Variants in WDPCP observed in about 807,000 individuals in gnomAD.
WDPCP encodes WD repeat containing planar cell polarity effector, also known as WD repeat-containing and planar cell polarity effector protein fritz homolog.
In WDPCP, 71 loss-of-function variants were observed where a neutral mutation model predicts 93.1. The observed-to-expected ratio is 0.76, with a 90% confidence interval of 0.63 to 0.93. The LOEUF is 0.93. WDPCP is among the 40% of genes least tolerant of loss of function. The pLI is 0.00. For missense variants in WDPCP, 844 were observed against 887.4 expected (o/e 0.95, Z 0.62); for synonymous variants, 315 against 315.0 (o/e 1.00, Z 0.00).
intron 4 of WDPCP, among the ~76,000 whole-genome samples, chr2:63,486,210 C>T (rs772153810): frequency 4.0e-5 from 6 of 151,688 alleles, no homozygotes; most frequent in Non-Finnish European, 7.4e-5. Context: ...ATGGGTAAGA[C>T]ATGTTAACAA....
At chr2:63,543,444 G>A (rs1202212293) in intron 1 of WDPCP, among the ~76,000 whole-genome samples, 4 of 151,808 alleles carry the variant, frequency 2.6e-5, no homozygotes, top group African/African-American at 4.8e-5. Flanking sequence ...ACAAAATCAC[G>A]GGAAAACACA....
intron 14 of WDPCP, among the ~76,000 whole-genome samples, chr2:63,178,429 C>A (rs1277484598): frequency 6.6e-6 from 1 of 152,134 alleles, no homozygotes; most frequent in African/African-American, 2.4e-5. Context: ...ATTATCCAAT[C>A]TTGGTTAGTT....
At chr2:63,835,501 T>G in the WDPCP span, among the ~76,000 whole-genome samples, 1 of 151,982 alleles carries the variant, frequency 6.6e-6, no homozygotes, top group African/African-American at 2.4e-5. Context: ...CTTTCTGTTT[T>G]GATGGAGAGG....
chr2:63,817,349 C>T (rs1670952284), intron 1 of WDPCP, among the ~76,000 whole-genome samples: 1 of 152,140 alleles, frequency 6.6e-6, no homozygotes, highest in Non-Finnish European at 1.5e-5. Flanking sequence ...ACCTCATGAT[C>T]CACCTGTCTT....
chr2:63,124,802 G>A (rs1276753320), intron 17 of WDPCP, among the ~76,000 whole-genome samples: 1 of 151,934 alleles, frequency 6.6e-6, no homozygotes, highest in Non-Finnish European at 1.5e-5. Flanking sequence ...TATGGGTTAA[G>A]TGTTTTGTCC....
intron 2 of WDPCP, among the ~76,000 whole-genome samples, chr2:63,732,401 A>G (rs998043): frequency 0.78 from 118,167 of 152,178 alleles, 47,152 homozygotes; most frequent in African/African-American, 0.89. Context: ...ATGCTACAAA[A>G]AAAGGTGATT....
chr2:63,594,462 A>T, intron 3 of WDPCP: 1 of 1,502,384 alleles, frequency 6.7e-7, no homozygotes, highest in South Asian at 1.1e-5. Context: ...GTACTTAAAG[A>T]TGTTAATGGG....
chr2:63,142,512 T>C (rs1671144652), intron 17 of WDPCP, among the ~76,000 whole-genome samples: 2 of 152,214 alleles, frequency 1.3e-5, no homozygotes, highest in South Asian at 4.1e-4. Flanking sequence ...CTTGATATAA[T>C]TTCAATTTTT....
At position 63,240,190 on chromosome 2, in the gene WDPCP, T is replaced by A. The variant is rs1408141611; in HGVS notation, c.1915+19117A>T. 2.6e-5 allele frequency among the ~76,000 whole-genome samples: 4 copies of A among 152,104 alleles called. No individual in the cohort carries two copies. In the East Asian group the frequency reaches 7.7e-4, roughly 29 times the overall value. ...TTCCCATCACTCTTAGTATTTTTTGTTTTTTATAGACAGGGTCTCGCTCTG... is the reference window on the plus strand; with the variant it reads ...TTCCCATCACTCTTAGTATTTTTTGATTTTTATAGACAGGGTCTCGCTCTG... On this transcript the variant is annotated intron_variant, in intron 14 of 17. Transcript: ENST00000272321.
At chr2:63,465,007 A>G (rs1474815161) in intron 6 of WDPCP, among the ~76,000 whole-genome samples, 1 of 152,126 alleles carries the variant, frequency 6.6e-6, no homozygotes, top group Non-Finnish European at 1.5e-5. Context: ...TGTACACTTA[A>G]AGATGGGCAA....
At chr2:63,789,475 T>C (rs991326088) in intron 2 of WDPCP, among the ~76,000 whole-genome samples, 21 of 152,098 alleles carry the variant, frequency 1.4e-4, no homozygotes, top group Non-Finnish European at 2.8e-4. Flanking sequence ...CTCAGCTTAG[T>C]GAAAGTAGAG....
chr2:63,262,607 G>A (rs1009683837), intron 13 of WDPCP, among the ~76,000 whole-genome samples: 2 of 151,214 alleles, frequency 1.3e-5, no homozygotes, highest in Non-Finnish European at 2.9e-5. Flanking sequence ...TCTATTTGTG[G>A]TACTATTATG....
chr2:63,341,308 T>C (rs1375264852), intron 12 of WDPCP, among the ~76,000 whole-genome samples: 1 of 152,176 alleles, frequency 6.6e-6, no homozygotes, highest in Non-Finnish European at 1.5e-5. Flanking sequence ...TTTGTATTTT[T>C]AGTAGAGACA....
intron 17 of WDPCP, among the ~76,000 whole-genome samples, chr2:63,137,376 T>C (rs1333686611): frequency 1.3e-5 from 2 of 152,206 alleles, no homozygotes; most frequent in African/African-American, 4.8e-5. Context: ...TCTTGAAAAG[T>C]ATCTGCTTGT....
chr2:63,286,550 C>T (rs1390826976), intron 13 of WDPCP, among the ~76,000 whole-genome samples: 1 of 152,214 alleles, frequency 6.6e-6, no homozygotes, highest in African/African-American at 2.4e-5. Context: ...ATGATAATCC[C>T]ACCACCCTTT....
At chr2:63,323,166 C>T (rs574458598) in intron 12 of WDPCP, among the ~76,000 whole-genome samples, 1 of 152,310 alleles carries the variant, frequency 6.6e-6, no homozygotes, top group East Asian at 1.9e-4. Context: ...GTCGCCCAAG[C>T]GAGACTTGCC....
chr2:63,735,384 C>G (rs1669623884), intron 2 of WDPCP, among the ~76,000 whole-genome samples: 2 of 151,990 alleles, frequency 1.3e-5, no homozygotes, highest in African/African-American at 4.8e-5. Context: ...GACAAAGGGA[C>G]AAAATCAGAG....
intron 2 of WDPCP, among the ~76,000 whole-genome samples, chr2:63,751,316 C>T (rs1669878415): frequency 6.6e-6 from 1 of 151,728 alleles, no homozygotes; most frequent in African/African-American, 2.4e-5. Context: ...TCTTTTATTT[C>T]TGATACTGGT....
chr2:63,610,355 GAAC>G (rs1449668937), intron 3 of WDPCP, among the ~76,000 whole-genome samples: 1 of 152,090 alleles, frequency 6.6e-6, no homozygotes, highest in Non-Finnish European at 1.5e-5. Flanking sequence ...AATGTTTCCT[GAAC>G]AACAAGTGGA....
Sources: allele counts gnomAD v4.1 joint callset (sites outside exome capture counted in the v4.1 genomes callset), GRCh38; gene constraint gnomAD v4.1.1; transcripts MANE v1.5; gene names NCBI Gene and HGNC (gene_info 2026-07-23, HGNC 2026-07-21).